POU1F1: variants seen among roughly 807,000 people sequenced by gnomAD.
The protein encoded by POU1F1 is POU class 1 homeobox 1.
Under a neutral mutation model 32.3 loss-of-function variants are expected in POU1F1, and 23 were observed. The ratio of observed to expected loss-of-function variants is 0.71; its 90% CI spans 0.51 to 1.01. POU1F1 has a LOEUF of 1.01. Ranked by LOEUF, POU1F1 falls within the 50% of genes least tolerant of loss-of-function variation. The pLI is 0.00. For missense variants in POU1F1, 323 were observed against 341.6 expected (o/e 0.95, Z 0.43); for synonymous variants, 120 against 115.6 (o/e 1.04, Z -0.25).
chr3:87,259,754 TAA>T lies in POU1F1; in HGVS notation c.*138_*139del, dbSNP rs368061882. 3.1e-6 allele frequency: 2 copies of T among 654,068 alleles called. No homozygotes were observed. Among genetic ancestry groups the T allele is most frequent in the African/African-American group, 3.7e-5 (2 of 54,564 alleles). The allele number at this position is 654,068 out of a possible 1,614,324, so 40.5% of individuals were successfully genotyped here. On this transcript the variant is annotated 3_prime_UTR_variant, in exon 6 of 6. Transcript: ENST00000350375. ...ATTTAAATTGTTGGTTTCTTTTTTTTAAAAAAAAGTGGAAAAGTAAAGCTTCT... is the reference window on the plus strand; with the variant it reads ...ATTTAAATTGTTGGTTTCTTTTTTTTAAAAAAGTGGAAAAGTAAAGCTTCT...
At position 87,276,439 on chromosome 3, in the gene POU1F1, C is replaced by G. The variant is rs1320014559; in HGVS notation, c.24G>C (p.Ser8=). The change falls in exon 1 of 6, where the codon TCG becomes TCC. Residue 8 remains serine, a synonymous_variant. Coordinates refer to ENST00000350375, the MANE Select transcript of POU1F1 (RefSeq NM_000306.4). ...AATTCAGAGGTATAAAGGTATCAGCCGAAGTAAAAGCTTGGCAACTCATTC... is the reference window on the plus strand; with the variant it reads ...AATTCAGAGGTATAAAGGTATCAGCGGAAGTAAAAGCTTGGCAACTCATTC... MSCQAFT[S]ADTFIPLNSD... is the part of the protein sequence containing the mutation. 14 of 1,613,484 alleles carry G rather than the reference C, an allele frequency of 8.7e-6. No homozygotes were observed. Among genetic ancestry groups the G allele is most frequent in the Non-Finnish European group, 1.0e-5 (12 of 1,179,832 alleles).
At chr3:87,273,939 T>A (rs1706776892) in intron 1 of POU1F1, among the ~76,000 whole-genome samples, 2 of 152,232 alleles carry the variant, frequency 1.3e-5, no homozygotes, top group Non-Finnish European at 2.9e-5. Context: ...CTAACAAATT[T>A]GTTTCATCAA....
chr3:87,264,582 G>A (rs1706581930), intron 2 of POU1F1, 70 bp from the exon 3 acceptor site: 2 of 1,296,876 alleles, frequency 1.5e-6, no homozygotes, highest in African/African-American at 2.9e-5. Flanking sequence ...ATAAGAAAGG[G>A]TTTTGCCTGA....
chr3:87,276,576 G>A lies in POU1F1; in HGVS notation c.-114C>T. On this transcript the variant is annotated 5_prime_UTR_variant, in exon 1 of 6. Coordinates refer to ENST00000350375, the MANE Select transcript of POU1F1 (RefSeq NM_000306.4). ...CTCACTACCTGCATATATACATCAG[G>A]AAGGCTCTGAGGCACCAGGAGGGTG... 1 of 1,291,940 alleles carries A rather than the reference G, an allele frequency of 7.7e-7. No individual in the cohort carries two copies. The highest frequency in any genetic ancestry group is 1.5e-5 in the African/African-American group (1 of 67,894). The allele number at this position is 1,291,940 out of a possible 1,614,324, so 80.0% of individuals were successfully genotyped here.
At chr3:87,272,652 A>C (rs1706749149) in intron 2 of POU1F1, among the ~76,000 whole-genome samples, 1 of 152,202 alleles carries the variant, frequency 6.6e-6, no homozygotes, top group Admixed American at 6.6e-5. Context: ...TAATTGATAC[A>C]GTCATACTTC....
At chr3:87,270,351 A>G (rs1216242608) in intron 2 of POU1F1, among the ~76,000 whole-genome samples, 1 of 152,172 alleles carries the variant, frequency 6.6e-6, no homozygotes, top group Non-Finnish European at 1.5e-5. Flanking sequence ...AGTTAATGGC[A>G]TGGATAATTC....
chr3:87,262,423 C>T (rs962742192), intron 3 of POU1F1, among the ~76,000 whole-genome samples, 188 bp from the exon 4 acceptor site: 1 of 152,136 alleles, frequency 6.6e-6, no homozygotes, highest in Non-Finnish European at 1.5e-5. Flanking sequence ...TACTTCAAAA[C>T]ATATTTCTTC....
intron 2 of POU1F1, among the ~76,000 whole-genome samples, chr3:87,265,669 G>T (rs1167887771): frequency 6.6e-6 from 1 of 151,576 alleles, no homozygotes; most frequent in Non-Finnish European, 1.5e-5. Flanking sequence ...AACAACACAA[G>T]AATAAAAATG....
Position 87,268,217 on chromosome 3 carries a change from T to G in POU1F1, c.215-3705A>C, listed in dbSNP as rs139740096. Among the ~76,000 whole-genome samples, 1,093 of 150,574 alleles carry G rather than the reference T, an allele frequency of 7.3e-3. 26 individuals carry two copies. The East Asian group carries it at 0.083, about 11-fold the overall frequency. On this transcript the variant is annotated intron_variant, in intron 2 of 5. Transcript: ENST00000350375. ...CCTCAGCCTCCCTAGTAGCTGGGAC[T>G]ACAGGTGCCTGCCACCACACCCGGC...
In POU1F1 at chr3:87,262,086, C is replaced by G; in HGVS notation, c.589G>C (p.Ala197Pro). The stretch of plus-strand genomic sequence containing the variant: ...AATTTAGTACCTCCTACTTGCTCAG[C>G]TTCCTCCAGCCATTTGGATAATATT... ...KAILSKWLEE[A>P]EQVGALYNEK... Residue 197 changes from alanine to proline, a missense_variant, in exon 4 of 6, where the codon GCT (alanine) becomes CCT (proline). Coordinates refer to ENST00000350375, the MANE Select transcript of POU1F1 (RefSeq NM_000306.4). The G allele has an allele frequency of 6.2e-7, 1 of 1,614,114 alleles. No homozygotes were observed. The highest frequency in any genetic ancestry group is 8.5e-7 in the Non-Finnish European group (1 of 1,179,978).
Position 87,259,828 on chromosome 3 carries a change from C to A in POU1F1, c.*66G>T. 1 of 1,353,534 alleles carries A rather than the reference C, an allele frequency of 7.4e-7. No homozygotes were observed. The highest frequency in any genetic ancestry group is 1.1e-6 in the Non-Finnish European group (1 of 952,124). The allele number at this position is 1,353,534 out of a possible 1,614,324, so 83.8% of individuals were successfully genotyped here. Reference sequence around the variant, plus strand: ...TGATTTTAAGTCAACCAAGTAATTTCTGTTTTTGTTGAGGAAGAGAAAGGA... The same window carrying A: ...TGATTTTAAGTCAACCAAGTAATTTATGTTTTTGTTGAGGAAGAGAAAGGA... On this transcript the variant is annotated 3_prime_UTR_variant, in exon 6 of 6. Transcript: ENST00000350375.
chr3:87,272,265 G>A (rs1706741476), intron 2 of POU1F1, among the ~76,000 whole-genome samples: 1 of 151,808 alleles, frequency 6.6e-6, no homozygotes, highest in Admixed American at 6.6e-5. Context: ...TTTTCCTGCT[G>A]TAGTAATAAA....
intron 4 of POU1F1, among the ~76,000 whole-genome samples, chr3:87,261,773 AAGAG>A (rs1357793072): frequency 6.6e-6 from 1 of 152,160 alleles, no homozygotes; most frequent in African/African-American, 2.4e-5. Flanking sequence ...TCTAGTATAA[AAGAG>A]AGGAAAAAAA....
chr3:87,273,530 T>C, intron 1 of POU1F1, 112 bp from the exon 2 acceptor site: 2 of 1,511,462 alleles, frequency 1.3e-6, no homozygotes, highest in South Asian at 1.2e-5. Flanking sequence ...TCAAGACACA[T>C]TCGTTTTATT....
In POU1F1 at chr3:87,276,437, G is replaced by A. The variant is rs1706828235; in HGVS notation, c.26C>T (p.Ala9Val). ...AGAATTCAGAGGTATAAAGGTATCA[G>A]CCGAAGTAAAAGCTTGGCAACTCAT... MSCQAFTS[A>V]DTFIPLNSDA... The change falls in exon 1 of 6, where the codon GCT becomes GTT. Residue 9 changes from alanine (A) to valine (V), a missense_variant. By Grantham distance (64) the Ala-to-Val change is moderately conservative. Coordinates refer to ENST00000350375, the MANE Select transcript of POU1F1 (RefSeq NM_000306.4). 1 of 1,613,898 alleles carries A rather than the reference G, an allele frequency of 6.2e-7. No individual in the cohort carries two copies. Among genetic ancestry groups the A allele is most frequent in the Non-Finnish European group, 8.5e-7 (1 of 1,179,898 alleles).
intron 2 of POU1F1, among the ~76,000 whole-genome samples, chr3:87,268,581 T>C (rs1205977535): frequency 1.3e-5 from 2 of 152,124 alleles, no homozygotes; most frequent in African/African-American, 2.4e-5. Context: ...ATTGGGATGA[T>C]ATGTATAGCA....
intron 2 of POU1F1, among the ~76,000 whole-genome samples, chr3:87,269,771 C>G (rs1276227340): frequency 1.3e-5 from 2 of 151,696 alleles, no homozygotes; most frequent in South Asian, 2.1e-4. Flanking sequence ...GGGACTTAAA[C>G]AAGTTTGTTT....
At chr3:87,271,761 C>T (rs909634701) in intron 2 of POU1F1, among the ~76,000 whole-genome samples, 6 of 151,952 alleles carry the variant, frequency 3.9e-5, no homozygotes, top group African/African-American at 1.5e-4. Context: ...CATAAATAAT[C>T]AATTTTCAGA....
intron 2 of POU1F1, among the ~76,000 whole-genome samples, chr3:87,265,042 A>G (rs1706590899): frequency 1.3e-5 from 2 of 152,132 alleles, no homozygotes; most frequent in Admixed American, 6.6e-5. Context: ...ATCAGTAAAA[A>G]CTTGATTTTA....
Sources: gnomAD v4.1 joint callset for allele counts (sites outside exome capture counted in the v4.1 genomes callset) on GRCh38, gnomAD v4.1.1 for gene constraint, MANE v1.5 for transcripts, NCBI Gene and HGNC (gene_info 2026-07-23, HGNC 2026-07-21) for gene names.